Variants in SRP54 observed in about 807,000 individuals in gnomAD.
The protein encoded by SRP54 is signal recognition particle subunit SRP54.
Under a neutral mutation model 64.8 loss-of-function variants are expected in SRP54, and 10 were observed. The observed-to-expected ratio is 0.15, with a 90% CI of 0.10 to 0.26. The LOEUF (loss-of-function observed/expected upper bound fraction) is 0.26, where lower values mean the gene tolerates loss of function less well. SRP54 is among the 10% of genes least tolerant of loss of function. SRP54 has a pLI of 1.00. For synonymous variants in SRP54, 193 were observed against 185.6 expected, an observed-to-expected ratio of 1.04 and a Z score of -0.32; for missense variants, 325 against 613.7, an observed-to-expected ratio of 0.53 and a Z score of 4.97.
intron 7 of SRP54, among the ~76,000 whole-genome samples, 161 bp from the exon 8 acceptor site, chr14:35,011,348 A>C (rs1484265154): frequency 6.6e-6 from 1 of 152,164 alleles, no homozygotes; most frequent in Non-Finnish European, 1.5e-5. Context: ...GCTTTTTTAG[A>C]AGTAGATTCT....
intron 1 of SRP54, among the ~76,000 whole-genome samples, chr14:34,985,798 C>T (rs2043886086): frequency 6.6e-6 from 1 of 152,168 alleles, no homozygotes; most frequent in African/African-American, 2.4e-5. Context: ...GATGAAGCTA[C>T]TCCCCCTAAA....
chr14:35,005,594 C>A (rs1175167519), intron 4 of SRP54, among the ~76,000 whole-genome samples: 1 of 151,938 alleles, frequency 6.6e-6, no homozygotes, highest in East Asian at 2.0e-4. Context: ...CAAGATCTTG[C>A]TATGCTGCCC....
chr14:35,013,756 T>C (rs746352244), intron 9 of SRP54, 46 bp from the exon 10 acceptor site: 1 of 1,505,042 alleles, frequency 6.6e-7, no homozygotes, highest in Non-Finnish European at 9.1e-7. Context: ...GCTGGAAATT[T>C]GTGGGGTTCT....
At chr14:35,024,995 T>C (rs906621515) in intron 14 of SRP54, among the ~76,000 whole-genome samples, 1 of 152,146 alleles carries the variant, frequency 6.6e-6, no homozygotes, top group South Asian at 2.1e-4. Flanking sequence ...CTTCCTAAAA[T>C]GCTCTGGGAT....
chr14:35,009,910 G>A (rs2139001337), intron 7 of SRP54, among the ~76,000 whole-genome samples: 1 of 152,230 alleles, frequency 6.6e-6, no homozygotes, highest in South Asian at 2.1e-4. Flanking sequence ...ACCACGTTGG[G>A]AGGCTGAGGC....
chr14:34,986,582 A>G (rs1055381464), intron 1 of SRP54, among the ~76,000 whole-genome samples: 6 of 152,212 alleles, frequency 3.9e-5, no homozygotes, highest in African/African-American at 1.4e-4. Context: ...AGAAAAAGAT[A>G]TAAGAAAATA....
intron 14 of SRP54, 25 bp downstream of exon 14, chr14:35,023,105 G>C: frequency 9.7e-7 from 1 of 1,033,356 alleles, no homozygotes. Context: ...CTTGTTATTA[G>C]TTAACAGACG....
intron 11 of SRP54, among the ~76,000 whole-genome samples, chr14:35,018,167 T>G (rs886090461): frequency 6.6e-6 from 1 of 152,212 alleles, no homozygotes; most frequent in African/African-American, 2.4e-5. Flanking sequence ...ACTAAGCATA[T>G]TTTGATATTA....
At chr14:34,999,464 T>C (rs2044137198) in intron 2 of SRP54, 94 bp from the exon 3 acceptor site, 1 of 827,638 alleles carries the variant, frequency 1.2e-6, no homozygotes, top group Non-Finnish European at 2.0e-6. Context: ...GTGGTATTAC[T>C]AAGCTGTGGT....
intron 2 of SRP54, among the ~76,000 whole-genome samples, chr14:34,998,059 A>G (rs2044097820): frequency 6.6e-6 from 1 of 152,128 alleles, no homozygotes; most frequent in African/African-American, 2.4e-5. Flanking sequence ...ACAAGGAGAA[A>G]GCCCTCTAGT....
intron 4 of SRP54, among the ~76,000 whole-genome samples, chr14:35,003,097 A>G (rs1010342285): frequency 1.3e-5 from 2 of 152,132 alleles, no homozygotes; most frequent in Non-Finnish European, 2.9e-5. Flanking sequence ...TGGAGCATCA[A>G]GTGCTTTATT....
intron 1 of SRP54, among the ~76,000 whole-genome samples, chr14:34,984,512 G>C (rs888216566): frequency 1.3e-5 from 2 of 151,992 alleles, no homozygotes; most frequent in African/African-American, 4.8e-5. Flanking sequence ...TCCAAACCTT[G>C]TTCTTTTCCA....
At chr14:35,011,406 C>A in intron 7 of SRP54, 103 bp from the exon 8 acceptor site, 1 of 818,028 alleles carries the variant, frequency 1.2e-6, no homozygotes, top group Non-Finnish European at 1.8e-6. Context: ...AAATTGGGGT[C>A]ATTTTGGCTT....
chr14:34,993,375 C>G (rs959940489), intron 1 of SRP54: 1 of 152,010 alleles, frequency 6.6e-6, no homozygotes, highest in Admixed American at 6.6e-5. Flanking sequence ...ATAAAAAGTC[C>G]TGGATCTTTT....
chr14:34,991,018 G>T (rs2043966975), intron 1 of SRP54, among the ~76,000 whole-genome samples: 1 of 151,098 alleles, frequency 6.6e-6, no homozygotes, highest in African/African-American at 2.4e-5. Context: ...AGGATTTACT[G>T]TATAAGGCTG....
intron 7 of SRP54, among the ~76,000 whole-genome samples, chr14:35,009,156 G>A (rs2044315164): frequency 6.6e-6 from 1 of 151,714 alleles, no homozygotes; most frequent in Admixed American, 6.6e-5. Flanking sequence ...CCAAAGTGCT[G>A]GAATTACAGG....
chr14:34,994,893 G>A (rs1313860622), intron 1 of SRP54, among the ~76,000 whole-genome samples: 2 of 148,400 alleles, frequency 1.3e-5, no homozygotes, highest in African/African-American at 5.0e-5. Context: ...ACCCTCCCGA[G>A]TAGCTGGGAC....
At chr14:34,989,559 A>T (rs2043952873) in intron 1 of SRP54, among the ~76,000 whole-genome samples, 1 of 152,236 alleles carries the variant, frequency 6.6e-6, no homozygotes, top group African/African-American at 2.4e-5. Context: ...ATCTCAGATC[A>T]GGCAAATCTG....
chr14:34,999,692 T>C, intron 3 of SRP54, 43 bp downstream of exon 3: 1 of 1,381,004 alleles, frequency 7.2e-7, no homozygotes, highest in Non-Finnish European at 1.0e-6. Flanking sequence ...CAGTTTAGTT[T>C]AGTTTACTGG....
Sources: gnomAD v4.1 joint callset for allele counts (sites outside exome capture counted in the v4.1 genomes callset) on GRCh38, gnomAD v4.1.1 for gene constraint, MANE v1.5 for transcripts, NCBI Gene and HGNC (gene_info 2026-07-23, HGNC 2026-07-21) for gene names.